MAPK4: variants seen among roughly 807,000 people sequenced by gnomAD.
The protein encoded by MAPK4 is mitogen-activated protein kinase 4, also known as Erk3-related.
In MAPK4, 22 loss-of-function variants were observed where a neutral mutation model predicts 47.7. That is an observed-to-expected ratio of 0.46 (90% CI 0.33 to 0.66). MAPK4 has a LOEUF of 0.66. Ranked by LOEUF, MAPK4 falls within the 30% of genes least tolerant of loss-of-function variation. The pLI is 0.02. For missense variants in MAPK4, 736 were observed against 831.7 expected (o/e 0.88, Z 1.42); for synonymous variants, 390 against 365.7 (o/e 1.07, Z -0.76).
chr18:50,622,610 C>T (rs367875824), intron 1 of MAPK4, among the ~76,000 whole-genome samples: 1 of 152,184 alleles, frequency 6.6e-6, no homozygotes. Flanking sequence ...CATGTACTGC[C>T]CTCAGAGAGG....
At chr18:50,659,316 C>G (rs539535145) in intron 1 of MAPK4, among the ~76,000 whole-genome samples, 3 of 152,198 alleles carry the variant, frequency 2.0e-5, no homozygotes, top group African/African-American at 7.2e-5. Context: ...AGCGGCTCCT[C>G]GGGAGAAGGG....
At chr18:50,568,037 A>C (rs1324037185) in intron 1 of MAPK4, among the ~76,000 whole-genome samples, 2 of 151,980 alleles carry the variant, frequency 1.3e-5, no homozygotes, top group Non-Finnish European at 2.9e-5. Context: ...TCTACTAAAA[A>C]TACAAAAAAT....
At chr18:50,671,501 T>A (rs1385563460) in intron 2 of MAPK4, among the ~76,000 whole-genome samples, 2 of 152,120 alleles carry the variant, frequency 1.3e-5, no homozygotes, top group Non-Finnish European at 2.9e-5. Context: ...CAATTTGAGG[T>A]CCCAAAGGAG....
At chr18:50,720,294 T>A (rs1172579243) in intron 3 of MAPK4, among the ~76,000 whole-genome samples, 1 of 152,032 alleles carries the variant, frequency 6.6e-6, no homozygotes. Flanking sequence ...AAGTCAAGAG[T>A]TATTAAACAT....
intron 2 of MAPK4, among the ~76,000 whole-genome samples, chr18:50,671,025 A>T (rs1384325839): frequency 6.6e-6 from 1 of 152,220 alleles, no homozygotes; most frequent in Non-Finnish European, 1.5e-5. Context: ...GTGTTTGCTG[A>T]CGCTTGGAGC....
chr18:50,681,845 A>G (rs1275448344), intron 2 of MAPK4, among the ~76,000 whole-genome samples: 1 of 152,124 alleles, frequency 6.6e-6, no homozygotes, highest in Non-Finnish European at 1.5e-5. Flanking sequence ...AAGTATGAAT[A>G]CTCCAACTTT....
chr18:50,658,208 A>G (rs1207160689), intron 1 of MAPK4, among the ~76,000 whole-genome samples: 1 of 152,180 alleles, frequency 6.6e-6, no homozygotes, highest in Non-Finnish European at 1.5e-5. Flanking sequence ...GGGTTGAACA[A>G]AGGCTGAAAA....
chr18:50,601,333 CAAAAAAAAAAAAAA>C (rs35148592), intron 1 of MAPK4, among the ~76,000 whole-genome samples: 1 of 53,194 alleles, frequency 1.9e-5, no homozygotes, highest in African/African-American at 6.0e-5. Context: ...GACTCTATGT[CAAAAAAAAAAAAAA>C]AAAAAAAAAA....
At chr18:50,726,795 A>T (rs912114402) in intron 5 of MAPK4, among the ~76,000 whole-genome samples, 2 of 151,734 alleles carry the variant, frequency 1.3e-5, no homozygotes, top group African/African-American at 4.8e-5. Flanking sequence ...AGACACTGGG[A>T]AGGCTGAGGC....
At chr18:50,655,838 G>A (rs2043104327) in intron 1 of MAPK4, among the ~76,000 whole-genome samples, 1 of 152,194 alleles carries the variant, frequency 6.6e-6, no homozygotes, top group Non-Finnish European at 1.5e-5. Context: ...CCTCAGGGAT[G>A]CTTTTTAAAT....
chr18:50,691,461 T>A (rs545809190), intron 2 of MAPK4, among the ~76,000 whole-genome samples: 1 of 152,318 alleles, frequency 6.6e-6, no homozygotes, highest in South Asian at 2.1e-4. Context: ...TCATGCTCAG[T>A]TGAAATTTGA....
At position 50,722,092 on chromosome 18, in the gene MAPK4, C is replaced by G; in HGVS notation, c.846C>G (p.Asn282Lys). The G allele has an allele frequency of 6.2e-7, 1 of 1,611,514 alleles. No homozygotes were observed. The highest frequency in any genetic ancestry group is 1.1e-5 in the South Asian group (1 of 90,736). The part of the protein sequence containing the change: ...RPLRKLLPEV[N>K]SEAIDFLEKI... The stretch of plus-strand genomic sequence containing the variant: ...TGCGCAAGCTGCTCCCTGAAGTGAA[C>G]AGTGAAGGTACCTGAGCCTGGCAGC... Residue 282 changes from asparagine to lysine, a missense_variant, in exon 4 of 6, where the codon AAC (asparagine) becomes AAG (lysine). By Grantham distance (94) the Asn-to-Lys change is moderately conservative. Transcript: ENST00000400384.
chr18:50,691,031 C>T lies in MAPK4; in HGVS notation c.547-24048C>T, dbSNP rs550442919. Among the ~76,000 whole-genome samples, 10 of 151,552 alleles carry T rather than the reference C, an allele frequency of 6.6e-5. No individual in the cohort carries two copies. The South Asian group carries it at 1.9e-3, about 29-fold the overall frequency. ...ATTTTGAGACAGGGTCTCGCTGTGT[C>T]GCCCAGGCTGGAATGCAGTGGCTCA... On this transcript the variant is annotated intron_variant, in intron 2 of 5. Transcript: ENST00000400384.
At chr18:50,562,473 G>C (rs935856785) in intron 1 of MAPK4, among the ~76,000 whole-genome samples, 3 of 151,822 alleles carry the variant, frequency 2.0e-5, no homozygotes, top group Non-Finnish European at 4.4e-5. Flanking sequence ...AATAGGGGAA[G>C]GGAGAGGGAA....
chr18:50,717,268 G>A (rs989410794), intron 3 of MAPK4, among the ~76,000 whole-genome samples: 14 of 152,174 alleles, frequency 9.2e-5, no homozygotes, highest in Non-Finnish European at 5.9e-5. Flanking sequence ...AGTGGCAGAC[G>A]CTGGGGAGCT....
At chr18:50,725,151 A>C (rs1022594572) in intron 4 of MAPK4, among the ~76,000 whole-genome samples, 9 of 152,212 alleles carry the variant, frequency 5.9e-5, no homozygotes, top group Non-Finnish European at 1.3e-4. Context: ...CCCACTGCCC[A>C]GAACTCCCCC....
At chr18:50,703,290 C>T (rs1909884086) in intron 2 of MAPK4, among the ~76,000 whole-genome samples, 1 of 152,204 alleles carries the variant, frequency 6.6e-6, no homozygotes, top group Non-Finnish European at 1.5e-5. Context: ...CTCCAGTAAC[C>T]TGCACTCTCC....
chr18:50,618,403 A>C (rs961388525), intron 1 of MAPK4, among the ~76,000 whole-genome samples: 2 of 152,170 alleles, frequency 1.3e-5, no homozygotes, highest in Admixed American at 1.3e-4. Flanking sequence ...AGTTTGATTA[A>C]TGTTGGAGAA....
rs555384397 is a variant in MAPK4 at position 50,586,625 on chromosome 18, A to C, written c.-871+26382A>C. ...AACTTTTATGAGGAGAAAATAAGAT[A>C]ATCCATATAAAACACTTGGAGAACT... On this transcript the variant is annotated intron_variant, in intron 1 of 5. Coordinates refer to ENST00000400384, the MANE Select transcript of MAPK4 (RefSeq NM_002747.4). 3.2e-4 allele frequency among the ~76,000 whole-genome samples: 48 copies of C among 152,256 alleles called. No individual in the cohort carries two copies. In the South Asian group the frequency reaches 8.7e-3, roughly 28 times the overall value.
Sources: allele counts gnomAD v4.1 joint callset (sites outside exome capture counted in the v4.1 genomes callset), GRCh38; gene constraint gnomAD v4.1.1; transcripts MANE v1.5; gene names NCBI Gene and HGNC (gene_info 2026-07-23, HGNC 2026-07-21).